Variants in ZNF512 observed in about 807,000 individuals in gnomAD.
ZNF512 encodes the protein zinc finger protein 512.
In ZNF512, 25 loss-of-function variants were observed where a neutral mutation model predicts 77.5. The observed-to-expected ratio is 0.32, with a 90% CI of 0.23 to 0.45. The LOEUF is 0.45. ZNF512 is among the 20% of genes least tolerant of loss of function. ZNF512 has a pLI of 1.00. For synonymous variants in ZNF512, 246 were observed against 239.9 expected (o/e 1.03, Z -0.24); for missense variants, 483 against 692.6 (o/e 0.70, Z 3.40).
At chr2:27,615,926 A>G (rs1232570867) in intron 11 of ZNF512, among the ~76,000 whole-genome samples, 1 of 152,224 alleles carries the variant, frequency 6.6e-6, no homozygotes, top group Non-Finnish European at 1.5e-5. Context: ...GAGTAAATAT[A>G]AAAGAAGTGG....
chr2:27,605,680 T>C lies in ZNF512; in HGVS notation c.937-2165T>C, dbSNP rs569750933. On this transcript the variant is annotated intron_variant, in intron 9 of 13. Transcript: ENST00000355467. ...TAGTAGAGATGGGTGTTCGCCATGT[T>C]GGCCAGGCTGATCTTGAACTCCTGG... is the stretch of plus-strand genomic sequence containing the variant. Among the ~76,000 whole-genome samples, 4 of 152,184 alleles carry C rather than the reference T, an allele frequency of 2.6e-5. No homozygotes were observed. The South Asian group carries it at 6.2e-4, about 24-fold the overall frequency.
Position 27,601,337 on chromosome 2 carries a change from G to A in ZNF512, c.583-19G>A. On this transcript the variant is annotated intron_variant, in intron 6 of 13. Transcript: ENST00000355467. The stretch of plus-strand genomic sequence containing the variant: ...TCTCTGTGGAACAACCTAGCACTGA[G>A]CAGTATTTTTCCTTCTAGGAAATGT... 5 of 1,593,098 alleles carry A rather than the reference G, an allele frequency of 3.1e-6. No homozygotes were observed. The highest frequency in any genetic ancestry group is 4.3e-6 in the Non-Finnish European group (5 of 1,161,276).
At position 27,623,143 on chromosome 2, in the gene ZNF512, A is replaced by G. The variant is rs1673191844; in HGVS notation, c.*1682A>G. On this transcript the variant is annotated 3_prime_UTR_variant, in exon 14 of 14. Transcript: ENST00000355467. ...CCGACCTGCTGCATGACTCCTTGAC[A>G]CTGTATGGGGGTAAGAAGATGGCTA... is the stretch of plus-strand genomic sequence containing the variant. 1 of 152,408 alleles carries G rather than the reference A, an allele frequency of 6.6e-6. No individual in the cohort carries two copies. The highest frequency in any genetic ancestry group is 1.5e-5 in the Non-Finnish European group (1 of 68,054). 9.4% of individuals were successfully genotyped at this position (152,408 alleles called of 1,614,324 possible).
chr2:27,603,051 T>C (rs1672196810), intron 8 of ZNF512, 89 bp from the exon 9 acceptor site: 1 of 1,444,280 alleles, frequency 6.9e-7, no homozygotes, highest in Non-Finnish European at 9.5e-7. Context: ...TTGTATTTTG[T>C]GGTGGTGAAT....
At chr2:27,586,243 T>TGTTGGA (rs1233475032) in intron 2 of ZNF512, among the ~76,000 whole-genome samples, 2 of 151,916 alleles carry the variant, frequency 1.3e-5, no homozygotes, top group Non-Finnish European at 2.9e-5. Context: ...TTGTTGTTGT[T>TGTTGGA]GTTGGAGATG....
chr2:27,610,815 G>A (rs1026526991), intron 10 of ZNF512, among the ~76,000 whole-genome samples: 2 of 150,910 alleles, frequency 1.3e-5, no homozygotes, highest in Admixed American at 6.6e-5. Context: ...CAGGCAATTC[G>A]CCTGCCTCGG....
At chr2:27,591,180 T>C (rs1671559557) in intron 2 of ZNF512, among the ~76,000 whole-genome samples, 1 of 151,992 alleles carries the variant, frequency 6.6e-6, no homozygotes, top group South Asian at 2.1e-4. Flanking sequence ...GGGACTATAG[T>C]TGCATGGCAC....
intron 9 of ZNF512, among the ~76,000 whole-genome samples, chr2:27,604,600 G>A (rs957701992): frequency 6.6e-6 from 1 of 152,002 alleles, no homozygotes; most frequent in African/African-American, 2.4e-5. Flanking sequence ...GGGCTACATA[G>A]TGAGACCCTG....
At chr2:27,603,907 A>G (rs961741887) in intron 9 of ZNF512, among the ~76,000 whole-genome samples, 3 of 145,274 alleles carry the variant, frequency 2.1e-5, no homozygotes, top group Non-Finnish European at 3.0e-5. Flanking sequence ...CCATTATTTA[A>G]TTAATTAATT....
At chr2:27,601,955 T>G (rs1672133719) in intron 7 of ZNF512, among the ~76,000 whole-genome samples, 1 of 152,164 alleles carries the variant, frequency 6.6e-6, no homozygotes, top group Non-Finnish European at 1.5e-5. Flanking sequence ...AGAAATTTTT[T>G]GTATTTTTAG....
chr2:27,594,248 C>T (rs1383302511), intron 2 of ZNF512, among the ~76,000 whole-genome samples: 3 of 150,200 alleles, frequency 2.0e-5, no homozygotes, highest in Non-Finnish European at 3.0e-5. Context: ...CTCCTCACAT[C>T]CCAGACGGGG....
At chr2:27,612,763 T>G (rs1672719850) in intron 10 of ZNF512, among the ~76,000 whole-genome samples, 1 of 152,260 alleles carries the variant, frequency 6.6e-6, no homozygotes, top group South Asian at 2.1e-4. Context: ...CTTTTCATCT[T>G]GAGCCTTACA....
At chr2:27,598,042 G>A (rs1364622199) in intron 2 of ZNF512, 25 bp from the exon 3 acceptor site, 1 of 1,496,504 alleles carries the variant, frequency 6.7e-7, no homozygotes, top group Non-Finnish European at 9.0e-7. Context: ...CTTCCTTTGT[G>A]GTATATATTT....
Position 27,621,289 on chromosome 2 carries a change from G to T in ZNF512, c.1532G>T (p.Gly511Val). ...RRSLRRRQQP[G>V]IELPETELSL... ...TCTCTAAGAAGGCGGCAGCAGCCTG[G>T]CATTGAGCTTCCCGAGACAGAGCTG... The change falls in exon 14 of 14, where the codon GGC (glycine) becomes GTC (valine). Residue 511 changes from glycine to valine, a missense_variant. By Grantham distance (109) the Gly-to-Val change is moderately radical (BLOSUM62 -3). Coordinates refer to ENST00000355467, the MANE Select transcript of ZNF512 (RefSeq NM_032434.4). 6.2e-7 allele frequency: 1 copy of T among 1,614,174 alleles called. No individual in the cohort carries two copies. Among genetic ancestry groups the T allele is most frequent in the Non-Finnish European group, 8.5e-7 (1 of 1,180,026 alleles).
chr2:27,587,832 C>T (rs1164543022), intron 2 of ZNF512, among the ~76,000 whole-genome samples: 3 of 151,810 alleles, frequency 2.0e-5, no homozygotes, highest in South Asian at 4.2e-4. Flanking sequence ...AGGCATGTGC[C>T]GCCACGCCTG....
intron 10 of ZNF512, among the ~76,000 whole-genome samples, chr2:27,614,188 T>C (rs914128036): frequency 6.6e-6 from 1 of 152,124 alleles, no homozygotes; most frequent in African/African-American, 2.4e-5. Flanking sequence ...GATACTTCCA[T>C]TGTCAAAGCA....
In ZNF512 at chr2:27,621,150, T is replaced by C; in HGVS notation, c.1396-3T>C. ...GGATGACATTTCTATTTTGCCTCTC[T>C]AGGACTGGTTCGTTGTAAACCCAAC... On this transcript the variant is annotated splice_polypyrimidine_tract_variant and splice_region_variant and intron_variant, in intron 13 of 13. Coordinates refer to ENST00000355467, the MANE Select transcript of ZNF512 (RefSeq NM_032434.4). The C allele has an allele frequency of 6.2e-7, 1 of 1,613,166 alleles. No homozygotes were observed. Among genetic ancestry groups the C allele is most frequent in the East Asian group, 2.2e-5 (1 of 44,878 alleles).
In ZNF512 at chr2:27,583,703, G is replaced by C. The variant is rs959597293; in HGVS notation, c.76G>C (p.Val26Leu). 21 of 1,613,968 alleles carry C rather than the reference G, an allele frequency of 1.3e-5. No individual in the cohort carries two copies. Among genetic ancestry groups the C allele is most frequent in the Non-Finnish European group, 1.7e-5 (20 of 1,180,010 alleles). Residue 26 changes from valine (V) to leucine (L), a missense_variant, in exon 2 of 14, where the codon GTG becomes CTG. Physicochemically the swap from Val to Leu is conservative, Grantham distance 32. This residue lies in a region of ZNF512 where 159 missense variants were observed against 167.5 expected (regional missense o/e 0.95). Coordinates refer to ENST00000355467, the MANE Select transcript of ZNF512 (RefSeq NM_032434.4). ...TAAGCAGCAGAGGAGCACGAGGATCGTGGGAGCTAAGAAGTAAGTGAGGTT... is the reference window on the plus strand; with the variant it reads ...TAAGCAGCAGAGGAGCACGAGGATCCTGGGAGCTAAGAAGTAAGTGAGGTT... ...TFKQQRSTRI[V>L]GAKNSRTQCS...
intron 2 of ZNF512, among the ~76,000 whole-genome samples, chr2:27,597,103 C>T (rs1671905566): frequency 6.6e-6 from 1 of 152,186 alleles, no homozygotes; most frequent in Non-Finnish European, 1.5e-5. Flanking sequence ...AGGCATCTAT[C>T]ACATTTTGCA....
Sources: gnomAD v4.1 joint callset for allele counts (sites outside exome capture counted in the v4.1 genomes callset) on GRCh38, gnomAD v4.1.1 for gene constraint, gnomAD v4.1.1 regional missense constraint, MANE v1.5 for transcripts, NCBI Gene and HGNC (gene_info 2026-07-23, HGNC 2026-07-21) for gene names.